Variants in CMSS1 observed in about 807,000 individuals in gnomAD.
CMSS1 encodes cms1 ribosomal small subunit homolog.
CMSS1 carries 33 observed loss-of-function variants against 43.5 expected under a neutral mutation model. That is an observed-to-expected ratio of 0.76 (90% confidence interval 0.57 to 1.01). CMSS1 has a LOEUF of 1.01. CMSS1 is among the 50% of genes least tolerant of loss of function. The pLI is 0.00. For missense variants in CMSS1, 313 were observed against 326.4 expected (o/e 0.96, Z 0.32); for synonymous variants, 115 against 117.2 (o/e 0.98, Z 0.12).
At chr3:99,963,292 G>A (rs1467041276) in intron 1 of CMSS1, among the ~76,000 whole-genome samples, 1 of 152,192 alleles carries the variant, frequency 6.6e-6, no homozygotes, top group African/African-American at 2.4e-5. Context: ...CCCATGTGGT[G>A]GATATATGCA....
At chr3:99,944,875 C>A (rs1365162730) in intron 1 of CMSS1, among the ~76,000 whole-genome samples, 2 of 152,138 alleles carry the variant, frequency 1.3e-5, no homozygotes, top group African/African-American at 4.8e-5. Context: ...AAACATAGAT[C>A]ACCAGGGAGA....
intron 1 of CMSS1, among the ~76,000 whole-genome samples, chr3:100,088,642 T>C (rs1390138014): frequency 6.6e-6 from 1 of 152,150 alleles, no homozygotes; most frequent in African/African-American, 2.4e-5. Flanking sequence ...CTTTCTCTCC[T>C]TCTCTGCAGT....
intron 1 of CMSS1, among the ~76,000 whole-genome samples, chr3:100,000,278 G>A (rs1337266571): frequency 6.6e-6 from 1 of 152,038 alleles, no homozygotes; most frequent in Admixed American, 6.5e-5. Flanking sequence ...CATCCAAAGG[G>A]GCCTCCTCTA....
chr3:99,840,509 A>G (rs1943087867), intron 1 of CMSS1, among the ~76,000 whole-genome samples: 1 of 152,174 alleles, frequency 6.6e-6, no homozygotes, highest in African/African-American at 2.4e-5. Context: ...GGCATGAGCT[A>G]CCATGCCCAG....
At chr3:99,907,541 C>T (rs1412872825) in intron 1 of CMSS1, among the ~76,000 whole-genome samples, 10 of 152,236 alleles carry the variant, frequency 6.6e-5, no homozygotes, top group African/African-American at 1.4e-4. Flanking sequence ...GCCAACGCAC[C>T]TGGCGTACCC....
At chr3:99,876,544 T>C (rs901046665) in intron 1 of CMSS1, among the ~76,000 whole-genome samples, 13 of 152,254 alleles carry the variant, frequency 8.5e-5, no homozygotes, top group African/African-American at 2.7e-4. Context: ...TGTAAACTTT[T>C]GTAAATTCAT....
intron 1 of CMSS1, among the ~76,000 whole-genome samples, chr3:100,000,662 C>A (rs1709816776): frequency 6.6e-6 from 1 of 152,172 alleles, no homozygotes; most frequent in Non-Finnish European, 1.5e-5. Context: ...CCAGAGTGAG[C>A]TATGATTGTG....
At chr3:100,095,419 A>T (rs913984970) in intron 1 of CMSS1, among the ~76,000 whole-genome samples, 3 of 152,328 alleles carry the variant, frequency 2.0e-5, no homozygotes, top group Admixed American at 2.0e-4. Flanking sequence ...AATATTTTTT[A>T]AAAACTATTT....
At chr3:100,044,056 A>T (rs1277435109) in intron 1 of CMSS1, among the ~76,000 whole-genome samples, 1 of 152,202 alleles carries the variant, frequency 6.6e-6, no homozygotes, top group African/African-American at 2.4e-5. Context: ...CATTGGGTGT[A>T]TATACCATAT....
intron 1 of CMSS1, among the ~76,000 whole-genome samples, chr3:100,135,291 C>G (rs560073366): frequency 8.3e-4 from 126 of 152,136 alleles, no homozygotes; most frequent in African/African-American, 3.0e-3. Context: ...TTCAAAACTG[C>G]CCCAAAATAT....
intron 1 of CMSS1, among the ~76,000 whole-genome samples, chr3:100,000,182 C>A (rs1709802533): frequency 6.6e-6 from 1 of 152,298 alleles, no homozygotes; most frequent in African/African-American, 2.4e-5. Flanking sequence ...TTTCTTCCTG[C>A]CTTCTTCTGA....
chr3:99,840,855 T>C (rs940440021), intron 1 of CMSS1, among the ~76,000 whole-genome samples: 10 of 152,220 alleles, frequency 6.6e-5, no homozygotes, highest in African/African-American at 2.4e-4. Context: ...CTGCCTCCAG[T>C]GCTCCTTCCC....
At position 100,117,193 on chromosome 3, in the gene CMSS1, G is replaced by T. The variant is rs184756889; in HGVS notation, c.65-29780G>T. On this transcript the variant is annotated intron_variant, in intron 1 of 9. Transcript: ENST00000421999. ...CTAGTGGATTATTTTTATTATAGTT[G>T]CTATTTATTATGTCACACTTTGGCA... Among the ~76,000 whole-genome samples, 162 of 152,186 alleles carry T rather than the reference G, an allele frequency of 1.1e-3. 1 individual carries two copies. Among genetic ancestry groups the T allele is most frequent in the Non-Finnish European group, 1.7e-3 (117 of 68,000 alleles).
intron 1 of CMSS1, among the ~76,000 whole-genome samples, chr3:99,863,864 C>T (rs2107562625): frequency 6.6e-6 from 1 of 152,254 alleles, no homozygotes; most frequent in East Asian, 1.9e-4. Flanking sequence ...TTATGCTCTC[C>T]CCTTTTTACA....
At chr3:100,172,809 G>A (rs1350441211) in intron 8 of CMSS1, among the ~76,000 whole-genome samples, 1 of 152,184 alleles carries the variant, frequency 6.6e-6, no homozygotes, top group East Asian at 1.9e-4. Flanking sequence ...TGAATGTAAT[G>A]CAGGCATTCC....
At position 99,820,704 on chromosome 3, in the gene CMSS1, G is replaced by T. The variant is rs149125229; in HGVS notation, c.64+2661G>T. On this transcript the variant is annotated intron_variant, in intron 1 of 9. Coordinates refer to ENST00000421999, the MANE Select transcript of CMSS1 (RefSeq NM_032359.4). ...TTTCCTGATTCTTCTTTTGTTGATGGGATCTAGCCTTGATCCTAGAGCACA... is the reference window on the plus strand; with the variant it reads ...TTTCCTGATTCTTCTTTTGTTGATGTGATCTAGCCTTGATCCTAGAGCACA... Among the ~76,000 whole-genome samples the T allele has an allele frequency of 2.6e-5, 4 of 152,270 alleles. No homozygotes were observed. The East Asian group carries it at 7.7e-4, about 29-fold the overall frequency.
At chr3:99,829,752 T>A (rs1202577542) in intron 1 of CMSS1, among the ~76,000 whole-genome samples, 6 of 152,230 alleles carry the variant, frequency 3.9e-5, no homozygotes, top group African/African-American at 9.6e-5. Flanking sequence ...CATGTCTCCC[T>A]AAAATATCTC....
chr3:100,037,607 T>C lies in CMSS1; in HGVS notation c.65-109366T>C, dbSNP rs534730850. 1.5e-4 allele frequency among the ~76,000 whole-genome samples: 23 copies of C among 152,316 alleles called. No homozygotes were observed. In the South Asian group the frequency reaches 2.5e-3, roughly 16 times the overall value. On this transcript the variant is annotated intron_variant, in intron 1 of 9. Coordinates refer to ENST00000421999, the MANE Select transcript of CMSS1 (RefSeq NM_032359.4). ...AGAAATCCTTTTAGCAATCTTTATGTTCAAATCATAAAATGTATAAATAAC... is the reference window on the plus strand; with the variant it reads ...AGAAATCCTTTTAGCAATCTTTATGCTCAAATCATAAAATGTATAAATAAC...
chr3:100,086,530 TG>T (rs1417470955), intron 1 of CMSS1, among the ~76,000 whole-genome samples: 1 of 152,196 alleles, frequency 6.6e-6, no homozygotes, highest in Admixed American at 6.5e-5. Context: ...GCCCTAAGCC[TG>T]TTTACCCAAA....
Sources: allele counts gnomAD v4.1 joint callset (sites outside exome capture counted in the v4.1 genomes callset), GRCh38; gene constraint gnomAD v4.1.1; transcripts MANE v1.5; gene names NCBI Gene and HGNC (gene_info 2026-07-23, HGNC 2026-07-21).